Variants in MAPK8 observed in about 807,000 individuals in gnomAD.
MAPK8 encodes the protein JUN N-terminal kinase.
A neutral mutation model predicts 52.9 loss-of-function variants in MAPK8; 13 were observed. The observed-to-expected ratio is 0.25, with a 90% CI of 0.16 to 0.39. The LOEUF (loss-of-function observed/expected upper bound fraction) is 0.39. Among genes scored for constraint, MAPK8 ranks in the 10% least tolerant of loss-of-function variants. MAPK8 has a pLI of 1.00. For missense variants in MAPK8, 300 were observed against 519.2 expected (o/e 0.58, Z 4.10); for synonymous variants, 191 against 169.8 (o/e 1.12, Z -0.97).
At chr10:48,336,375 C>T (rs1844688781) in intron 1 of MAPK8, among the ~76,000 whole-genome samples, 1 of 152,126 alleles carries the variant, frequency 6.6e-6, no homozygotes, top group East Asian at 1.9e-4. Flanking sequence ...ATTAAATTTG[C>T]AGTAAAAAAG....
At chr10:48,334,198 A>G (rs899104788) in intron 1 of MAPK8, among the ~76,000 whole-genome samples, 2 of 152,138 alleles carry the variant, frequency 1.3e-5, no homozygotes, top group African/African-American at 4.8e-5. Flanking sequence ...ATCCAGAGGA[A>G]TGTCAGATGG....
chr10:48,429,084 A>G (rs1435162852), intron 10 of MAPK8, among the ~76,000 whole-genome samples: 1 of 151,774 alleles, frequency 6.6e-6, no homozygotes, highest in Non-Finnish European at 1.5e-5. Context: ...AGCCTCCCAA[A>G]GTGCTGGGAT....
At chr10:48,340,494 T>C (rs1564503109) in intron 1 of MAPK8, among the ~76,000 whole-genome samples, 1 of 152,146 alleles carries the variant, frequency 6.6e-6, no homozygotes. Context: ...AATTATGCAA[T>C]GTACCCATGT....
At chr10:48,337,041 A>G (rs183249058) in intron 1 of MAPK8, among the ~76,000 whole-genome samples, 42 of 152,338 alleles carry the variant, frequency 2.8e-4, no homozygotes, top group Admixed American at 1.9e-3. Flanking sequence ...GGACTGCAAC[A>G]GCCCACTGAC....
intron 1 of MAPK8, among the ~76,000 whole-genome samples, chr10:48,327,274 T>A (rs886811152): frequency 1.4e-4 from 22 of 152,230 alleles, no homozygotes; most frequent in African/African-American, 5.3e-4. Context: ...TTCTTGGTTT[T>A]CTGACCGTTT....
chr10:48,399,663 C>G (rs1037509522), intron 1 of MAPK8, among the ~76,000 whole-genome samples: 3 of 152,154 alleles, frequency 2.0e-5, no homozygotes, highest in African/African-American at 7.2e-5. Context: ...TTTTTTCCAG[C>G]AAGTGGAGAA....
At position 48,435,059 on chromosome 10, in the gene MAPK8, T is replaced by TGGGGGGGGGGGGGGGCTG; in HGVS notation, c.*34_*35insGGGGGGGGGGGCTGGGGG. 2.2e-6 allele frequency: 1 copy of TGGGGGGGGGGGGGGGCTG among 448,006 alleles called. No homozygotes were observed. The highest frequency in any genetic ancestry group is 4.3e-6 in the Non-Finnish European group (1 of 230,990). The allele number at this position is 448,006 out of a possible 1,614,324, so 27.8% of individuals were successfully genotyped here. A position where few individuals can be genotyped will look rare whatever the true frequency, so the allele number is the denominator to read the frequency against. On this transcript the variant is annotated 3_prime_UTR_variant, in exon 12 of 12. Transcript: ENST00000374189. ...TTGGGCCATCGGGGGGTGGGAGGGA[T>TGGGGGGGGGGGGGGGCTG]GGGGAGTCGGTTAGTCATTGATAGA...
In MAPK8 at chr10:48,306,697, A is replaced by G. The variant is rs921152383; in HGVS notation, c.-174A>G. ...TCTCTGTTACTCAGCCGAGCGGCCGAGGCCGGACGACGCGGCTTGGATTGC... is the reference window on the plus strand; with the variant it reads ...TCTCTGTTACTCAGCCGAGCGGCCGGGGCCGGACGACGCGGCTTGGATTGC... On this transcript the variant is annotated 5_prime_UTR_variant, in exon 1 of 12. Transcript: ENST00000374189. 1 of 151,064 alleles carries G rather than the reference A, an allele frequency of 6.6e-6. No homozygotes were observed. The highest frequency in any genetic ancestry group is 6.6e-5 in the Admixed American group (1 of 15,166). 9.4% of individuals were successfully genotyped at this position (151,064 alleles called of 1,614,324 possible).
In MAPK8 at chr10:48,437,598, G is replaced by T. The variant is rs2044955048; in HGVS notation, c.*2569G>T. 1 of 152,072 alleles carries T rather than the reference G, an allele frequency of 6.6e-6. No homozygotes were observed. Among genetic ancestry groups the T allele is most frequent in the Non-Finnish European group, 1.5e-5 (1 of 68,000 alleles). 9.4% of individuals were successfully genotyped at this position (152,072 alleles called of 1,614,324 possible). A position where few individuals can be genotyped will look rare whatever the true frequency, so the allele number is the denominator to read the frequency against. On this transcript the variant is annotated 3_prime_UTR_variant, in exon 12 of 12. Transcript: ENST00000374189. ...TCCCTCTAATATATACTGGCCATTT[G>T]TAAAACCATTGTGTTGTTGGGATCA...
Position 48,404,865 on chromosome 10 carries a change from G to A in MAPK8, c.136G>A (p.Ala46Thr), listed in dbSNP as rs143875999. The A allele has an allele frequency of 5.6e-6, 9 of 1,599,438 alleles. No individual in the cohort carries two copies. The highest frequency in any genetic ancestry group is 7.7e-6 in the Non-Finnish European group (9 of 1,174,040). ...AQGIVCAAYDAILERNVAIKK... is the reference protein window; with the variant it reads ...AQGIVCAAYDTILERNVAIKK... The stretch of plus-strand genomic sequence containing the variant: ...TTCTTATTACAGCGCAGCTTATGAT[G>A]CCATTCTTGAAAGAAATGTTGCAAT... The change falls in exon 3 of 12, where the codon GCC becomes ACC. Residue 46 changes from alanine (A) to threonine (T), a missense_variant. By Grantham distance (58) the Ala-to-Thr change is moderately conservative. Transcript: ENST00000374189.
At chr10:48,380,875 A>G (rs2040962342) in intron 1 of MAPK8, among the ~76,000 whole-genome samples, 1 of 152,230 alleles carries the variant, frequency 6.6e-6, no homozygotes, top group South Asian at 2.1e-4. Flanking sequence ...TAAAAAGTCA[A>G]AACCTGTGCT....
At chr10:48,412,641 G>C (rs2042821114) in intron 5 of MAPK8, among the ~76,000 whole-genome samples, 1 of 152,196 alleles carries the variant, frequency 6.6e-6, no homozygotes, top group Non-Finnish European at 1.5e-5. Context: ...TTCAAGGAAT[G>C]CCTCTGTCTA....
intron 1 of MAPK8, among the ~76,000 whole-genome samples, chr10:48,354,094 G>A (rs1215715160): frequency 4.6e-5 from 7 of 152,240 alleles, no homozygotes; most frequent in African/African-American, 1.7e-4. Context: ...TGGGTGCAGG[G>A]TACAGGGGAC....
At chr10:48,430,995 TATG>T in intron 10 of MAPK8, 195 bp from the exon 11 acceptor site, 1 of 601,668 alleles carries the variant, frequency 1.7e-6, no homozygotes, top group South Asian at 2.0e-5. Flanking sequence ...TTCCTTTTAA[TATG>T]ATCCATTGTT....
chr10:48,322,028 C>A (rs1011657836), intron 1 of MAPK8, among the ~76,000 whole-genome samples: 10 of 152,252 alleles, frequency 6.6e-5, no homozygotes, highest in Admixed American at 3.3e-4. Flanking sequence ...TTAGTTCACT[C>A]GCTTGTGGCA....
At chr10:48,391,375 T>G (rs1304206829) in intron 1 of MAPK8, among the ~76,000 whole-genome samples, 3 of 152,192 alleles carry the variant, frequency 2.0e-5, no homozygotes, top group East Asian at 3.9e-4. Flanking sequence ...CTCAGAAGCC[T>G]TCTAAGTAGG....
chr10:48,351,540 C>A (rs1167718546), intron 1 of MAPK8, among the ~76,000 whole-genome samples: 1 of 151,420 alleles, frequency 6.6e-6, no homozygotes, highest in Non-Finnish European at 1.5e-5. Context: ...GTCATCAAGA[C>A]AGTGCTTCAA....
At chr10:48,419,439 CTT>C (rs2043230479) in intron 5 of MAPK8, among the ~76,000 whole-genome samples, 2 of 152,156 alleles carry the variant, frequency 1.3e-5, no homozygotes, top group Non-Finnish European at 2.9e-5. Flanking sequence ...TGCTGCCTGA[CTT>C]TTGATGGGCA....
chr10:48,414,520 A>G (rs1316268290), intron 5 of MAPK8, among the ~76,000 whole-genome samples: 2 of 144,222 alleles, frequency 1.4e-5, no homozygotes, highest in East Asian at 4.0e-4. Context: ...TGGCGTAATC[A>G]TAGTTCACTT....
Sources: allele counts gnomAD v4.1 joint callset (sites outside exome capture counted in the v4.1 genomes callset), GRCh38; gene constraint gnomAD v4.1.1; transcripts MANE v1.5; gene names NCBI Gene and HGNC (gene_info 2026-07-23, HGNC 2026-07-21).